The following TLN2 variants were observed in gnomAD, a reference collection of about 807,000 sequenced individuals.
The protein encoded by TLN2 is talin 2.
Under a neutral mutation model 294.7 loss-of-function variants are expected in TLN2, and 118 were observed. The ratio of observed to expected loss-of-function variants is 0.40; its 90% CI spans 0.34 to 0.47. TLN2 has a LOEUF of 0.47. Ranked by LOEUF, TLN2 falls within the 20% of genes least tolerant of loss-of-function variation. The probability of loss-of-function intolerance (pLI) is 0.84; values close to 1 mark genes in which losing one functional copy is unlikely to be tolerated. For synonymous variants in TLN2, 1,431 were observed against 1,304.5 expected (o/e 1.10, Z -2.09); for missense variants, 3,083 against 3,282.2 (o/e 0.94, Z 1.48).
At chr15:62,636,290 T>C (rs1222376118) in intron 3 of TLN2, among the ~76,000 whole-genome samples, 1 of 136,540 alleles carries the variant, frequency 7.3e-6, no homozygotes, top group African/African-American at 2.7e-5. Context: ...AGAGTTTAAC[T>C]AAAACATTGC....
intron 4 of TLN2, among the ~76,000 whole-genome samples, chr15:62,649,358 G>A (rs1209657909): frequency 6.6e-6 from 1 of 151,992 alleles, no homozygotes; most frequent in Non-Finnish European, 1.5e-5. Context: ...AACCTTTAAA[G>A]ATTTTGAAGT....
At chr15:62,520,893 A>C (rs2040424993) in intron 1 of TLN2, among the ~76,000 whole-genome samples, 1 of 152,174 alleles carries the variant, frequency 6.6e-6, no homozygotes. Flanking sequence ...TAAATTTTTG[A>C]AAGGAGTGTG....
At chr15:62,533,783 C>G (rs534069286) in intron 1 of TLN2, among the ~76,000 whole-genome samples, 1 of 152,304 alleles carries the variant, frequency 6.6e-6, no homozygotes, top group African/African-American at 2.4e-5. Context: ...AGAAGTTGGT[C>G]TTTCTGTCCA....
chr15:62,569,043 C>T (rs542513168), intron 1 of TLN2, among the ~76,000 whole-genome samples: 42 of 152,294 alleles, frequency 2.8e-4, no homozygotes, highest in Middle Eastern at 3.4e-3. Flanking sequence ...CTGCCTCTTT[C>T]AGCTGCTGGT....
rs2053116818 is a variant in TLN2 at position 62,655,582 on chromosome 15, G to GCTT, written c.518-362_518-361insCTT. ...AGAGGCAGCATATTATACATTCATT[G>GCTT]TAGCACATGTCACCGTGGGTTGGCT... On this transcript the variant is annotated intron_variant, in intron 7 of 58. Coordinates refer to ENST00000636159, the MANE Select transcript of TLN2 (RefSeq NM_015059.3). Among the ~76,000 whole-genome samples, 3 of 11,798 alleles carry GCTT rather than the reference G, an allele frequency of 2.5e-4. 1 individual carries two copies. The highest frequency in any genetic ancestry group is 9.3e-5 in the African/African-American group (1 of 10,798). The allele number at this position is 11,798 out of a possible 152,430, so 7.7% of individuals were successfully genotyped here. A position where few individuals can be genotyped will look rare whatever the true frequency, so the allele number is the denominator to read the frequency against.
intron 5 of TLN2, among the ~76,000 whole-genome samples, chr15:62,650,446 G>C: frequency 6.6e-6 from 1 of 152,150 alleles, no homozygotes; most frequent in Middle Eastern, 3.2e-3. Context: ...TGTGAGATAA[G>C]ATACAGCATC....
intron 1 of TLN2, among the ~76,000 whole-genome samples, chr15:62,397,137 C>T (rs2032617393): frequency 6.6e-6 from 1 of 152,218 alleles, no homozygotes; most frequent in Admixed American, 6.5e-5. Context: ...GCTGTTCCAC[C>T]TCTACCATTT....
At chr15:62,473,913 G>T (rs1400122331) in intron 1 of TLN2, among the ~76,000 whole-genome samples, 1 of 152,162 alleles carries the variant, frequency 6.6e-6, no homozygotes, top group Non-Finnish European at 1.5e-5. Context: ...GGCCAAAGTG[G>T]TGAAAGCCTG....
rs1328006550 is a variant in TLN2, at chr15:62,702,068, CAAGGGTGTG to C, written c.1777_1785del (p.Gly593_Lys595del). ...TTTCTTCCAACCTGACGGAGATGTC[CAAGGGTGTG>C]AAGCTATTGGCCGCCCTCATGGATG... On this transcript the variant is annotated inframe_deletion, in exon 18 of 59. Transcript: ENST00000636159. 1 of 1,614,216 alleles carries C rather than the reference CAAGGGTGTG, an allele frequency of 6.2e-7. No homozygotes were observed. The highest frequency in any genetic ancestry group is 8.5e-7 in the Non-Finnish European group (1 of 1,180,040).
chr15:62,549,983 A>G (rs1212433919), intron 1 of TLN2, among the ~76,000 whole-genome samples: 1 of 152,164 alleles, frequency 6.6e-6, no homozygotes, highest in Non-Finnish European at 1.5e-5. Flanking sequence ...ACTTTAATCT[A>G]CACTTTCTAG....
chr15:62,497,448 C>A (rs1363256700), intron 1 of TLN2, among the ~76,000 whole-genome samples: 1 of 152,234 alleles, frequency 6.6e-6, no homozygotes, highest in Admixed American at 6.5e-5. Flanking sequence ...GTGGTACTTT[C>A]CTCTGCTCCT....
At chr15:62,607,750 T>C (rs1350024009) in intron 2 of TLN2, among the ~76,000 whole-genome samples, 1 of 152,164 alleles carries the variant, frequency 6.6e-6, no homozygotes, top group East Asian at 1.9e-4. Context: ...TGTGTGTGTG[T>C]GCACAAGTCC....
chr15:62,723,393 A>G (rs1026622392), intron 26 of TLN2, among the ~76,000 whole-genome samples: 3 of 152,166 alleles, frequency 2.0e-5, no homozygotes, highest in African/African-American at 7.2e-5. Context: ...CTGGTTGTAG[A>G]GCCTGAACAT....
intron 1 of TLN2, among the ~76,000 whole-genome samples, chr15:62,439,969 A>G (rs558785780): frequency 1.3e-3 from 204 of 152,258 alleles, no homozygotes; most frequent in African/African-American, 4.5e-3. Context: ...GGGCGATGAT[A>G]CCATGCAAGG....
intron 41 of TLN2, among the ~76,000 whole-genome samples, chr15:62,766,808 T>G (rs2141035347): frequency 6.6e-6 from 1 of 152,272 alleles, no homozygotes; most frequent in Non-Finnish European, 1.5e-5. Flanking sequence ...CTGGTATGTT[T>G]AAGGGTACAT....
At chr15:62,797,886 C>T (rs1371249054) in intron 48 of TLN2, among the ~76,000 whole-genome samples, 1 of 152,166 alleles carries the variant, frequency 6.6e-6, no homozygotes, top group Non-Finnish European at 1.5e-5. Flanking sequence ...GTAGCGACTG[C>T]AACCACACGA....
chr15:62,584,952 A>C (rs1289523655), intron 1 of TLN2, among the ~76,000 whole-genome samples: 1 of 152,176 alleles, frequency 6.6e-6, no homozygotes, highest in African/African-American at 2.4e-5. Flanking sequence ...TTTTTAACTT[A>C]AGAGAGCAAA....
chr15:62,751,124 G>C (rs185956891), intron 34 of TLN2, among the ~76,000 whole-genome samples: 3 of 151,754 alleles, frequency 2.0e-5, no homozygotes, highest in Non-Finnish European at 4.4e-5. Flanking sequence ...AACATAAAAG[G>C]CTCCTTAGTG....
At chr15:62,425,110 GC>G (rs1393187144) in intron 1 of TLN2, among the ~76,000 whole-genome samples, 1 of 151,624 alleles carries the variant, frequency 6.6e-6, no homozygotes, top group Non-Finnish European at 1.5e-5. Flanking sequence ...CTGCCACCAT[GC>G]CTGGCTAATT....
Sources: allele counts gnomAD v4.1 joint callset (sites outside exome capture counted in the v4.1 genomes callset), GRCh38; gene constraint gnomAD v4.1.1; transcripts MANE v1.5; gene names NCBI Gene and HGNC (gene_info 2026-07-23, HGNC 2026-07-21).